ZNF835: variants seen among roughly 807,000 people sequenced by gnomAD.
ZNF835 encodes zinc finger protein 835.
For missense variants in ZNF835, 783 were observed against 758.4 expected, an observed-to-expected ratio of 1.03 and a Z score of -0.38; for synonymous variants, 323 against 324.7, an observed-to-expected ratio of 0.99 and a Z score of 0.06.
At chr19:56,670,649 G>A (rs1367570147) in intron 1 of ZNF835, among the ~76,000 whole-genome samples, 1 of 152,218 alleles carries the variant, frequency 6.6e-6, no homozygotes, top group African/African-American at 2.4e-5. Flanking sequence ...CACCCACAGG[G>A]GATGGCTGGA....
rs2045201944 is a variant in ZNF835, at chr19:56,663,285, C to T, written c.*300G>A. 6.8e-6 allele frequency: 3 copies of T among 443,866 alleles called. No homozygotes were observed. Among genetic ancestry groups the T allele is most frequent in the East Asian group, 4.5e-5 (1 of 22,306 alleles). The allele number at this position is 443,866 out of a possible 1,614,324, so 27.5% of individuals were successfully genotyped here. ...AGTGAGCCGAGATCGCTCCACTGCACTCTAGCCTGGGTGACAGAGAGAGAC... is the reference window on the plus strand; with the variant it reads ...AGTGAGCCGAGATCGCTCCACTGCATTCTAGCCTGGGTGACAGAGAGAGAC... On this transcript the variant is annotated 3_prime_UTR_variant, in exon 2 of 2. Transcript: ENST00000537055.
intron 1 of ZNF835, among the ~76,000 whole-genome samples, chr19:56,671,145 C>T (rs1387796710): frequency 6.6e-6 from 1 of 151,016 alleles, no homozygotes; most frequent in Non-Finnish European, 1.5e-5. Flanking sequence ...GGGCTGGCAC[C>T]GCCAAGTGAG....
rs757812377 is a variant in ZNF835, at chr19:56,664,181, C to T, written c.1018G>A (p.Ala340Thr). Residue 340 changes from alanine (A) to threonine (T), a missense_variant, in exon 2 of 2, where the codon GCC becomes ACC. By Grantham distance (58) the Ala-to-Thr change is moderately conservative. Coordinates refer to ENST00000537055, the MANE Select transcript of ZNF835 (RefSeq NM_001005850.3). ...GEKPYACGQC[A>T]KAFTQVSHLT... Reference sequence around the variant, plus strand: ...TGCGACACCTGGGTGAAGGCCTTGGCGCACTGGCCGCACGCGTAGGGCTTC... The same window carrying T: ...TGCGACACCTGGGTGAAGGCCTTGGTGCACTGGCCGCACGCGTAGGGCTTC... 6 of 1,610,268 alleles carry T rather than the reference C, an allele frequency of 3.7e-6. No individual in the cohort carries two copies. The South Asian group carries it at 6.6e-5, about 18-fold the overall frequency.
intron 1 of ZNF835, among the ~76,000 whole-genome samples, chr19:56,667,543 A>G (rs556944076): frequency 1.2e-4 from 19 of 152,274 alleles, no homozygotes; most frequent in Admixed American, 1.1e-3. Context: ...GCCTCATGTT[A>G]TGTGTGGGCT....
In ZNF835 at chr19:56,664,594, G is replaced by A; in HGVS notation, c.605C>T (p.Ala202Val). The change falls in exon 2 of 2, where the codon GCC becomes GTC. Residue 202 changes from alanine to valine, a missense_variant. Transcript: ENST00000537055. The stretch of plus-strand genomic sequence containing the variant: ...GGTCAGGTGCGTGACGCGCGTGAAG[G>A]CCTTGCCGCAGTCGGCGCAGCGGTG... Reference protein sequence around the residue: ...KPHRCADCGKAFTRVTHLTQH... With the variant: ...KPHRCADCGKVFTRVTHLTQH... The A allele has an allele frequency of 1.2e-6, 2 of 1,605,708 alleles. No individual in the cohort carries two copies. The highest frequency in any genetic ancestry group is 1.7e-6 in the Non-Finnish European group (2 of 1,175,986).
chr19:56,665,468 C>G (rs747804987), intron 1 of ZNF835: 1 of 700,046 alleles, frequency 1.4e-6, no homozygotes, highest in South Asian at 1.4e-5. Context: ...GGGACACTAC[C>G]CCTCAACCCC....
intron 1 of ZNF835, chr19:56,665,604 G>A: frequency 2.4e-6 from 1 of 412,738 alleles, no homozygotes; most frequent in South Asian, 1.9e-5. Flanking sequence ...CAAACTGTCT[G>A]CTGCCTGGGC....
In ZNF835 at chr19:56,664,108, C is replaced by T. The variant is rs747097450; in HGVS notation, c.1091G>A (p.Cys364Tyr). 3.1e-5 allele frequency: 49 copies of T among 1,599,730 alleles called. No homozygotes were observed. The highest frequency in any genetic ancestry group is 1.6e-4 in the East Asian group (7 of 44,608). ...RTHTGERPYP[C>Y]HDCGKRFSNR... is the part of the protein sequence containing the mutation. ...GCTGAAGCGCTTGCCGCAGTCGTGG[C>T]AGGGGTAAGGCCGCTCTCCGGTGTG... The change falls in exon 2 of 2, where the codon TGC becomes TAC. Residue 364 changes from cysteine to tyrosine, a missense_variant. By Grantham distance (194) the Cys-to-Tyr change is radical. Transcript: ENST00000537055.
chr19:56,665,208 C>G lies in ZNF835; in HGVS notation c.-10G>C. The G allele has an allele frequency of 6.2e-7, 1 of 1,613,782 alleles. No homozygotes were observed. The highest frequency in any genetic ancestry group is 8.5e-7 in the Non-Finnish European group (1 of 1,179,878). On this transcript the variant is annotated 5_prime_UTR_variant, in exon 2 of 2. Coordinates refer to ENST00000537055, the MANE Select transcript of ZNF835 (RefSeq NM_001005850.3). ...TCAAGAGTCCCTCCATCCTCGATCC[C>G]TGGGCTGCTGTCTTGATCTCACATC...
At position 56,663,724 on chromosome 19, in the gene ZNF835, T is replaced by C. The variant is rs1414029625; in HGVS notation, c.1475A>G (p.His492Arg). The C allele has an allele frequency of 1.9e-6, 3 of 1,613,868 alleles. No homozygotes were observed. Among genetic ancestry groups the C allele is most frequent in the Admixed American group, 3.3e-5 (2 of 60,010 alleles). ...AFSFSSALIR[H>R]QRTHADSSGR... ...CGAACTGTCTGCATGCGTCCTCTGG[T>C]GTCGGATGAGCGCGGAGGAGAAGCT... is the stretch of plus-strand genomic sequence containing the variant. Residue 492 changes from histidine to arginine, a missense_variant, in exon 2 of 2, where the codon CAC (histidine) becomes CGC (arginine). His to Arg is a conservative substitution (Grantham distance 29). Coordinates refer to ENST00000537055, the MANE Select transcript of ZNF835 (RefSeq NM_001005850.3).
At chr19:56,665,270 A>T (rs181455127) in intron 1 of ZNF835, 25 bp from the exon 2 acceptor site, 2 of 1,589,990 alleles carry the variant, frequency 1.3e-6, no homozygotes, top group African/African-American at 1.4e-5. Context: ...ATAGAAAAAA[A>T]AATTAAATGT....
In ZNF835 at chr19:56,663,671, C is replaced by G; in HGVS notation, c.1528G>C (p.Asp510His). 1 of 1,614,056 alleles carries G rather than the reference C, an allele frequency of 6.2e-7. No individual in the cohort carries two copies. The highest frequency in any genetic ancestry group is 8.5e-7 in the Non-Finnish European group (1 of 1,179,902). Residue 510 changes from aspartate (D) to histidine (H), a missense_variant, in exon 2 of 2, where the codon GAC (aspartate) becomes CAC (histidine). Physicochemically the swap from Asp to His is moderately conservative, Grantham distance 81. Coordinates refer to ENST00000537055, the MANE Select transcript of ZNF835 (RefSeq NM_001005850.3). ...SGRLCPAPTP[D>H]STPGLSQGGE... ...CCCTGTGAGAGCCCAGGTGTTGAGT[C>G]AGGCGTGGGAGCTGGGCAAAGGCGT...
rs201395145 is a variant in ZNF835 at position 56,665,084 on chromosome 19, C to CCT, written c.113_114dup (p.Ala39ArgfsTer116). 5,031 of 1,614,020 alleles carry CCT rather than the reference C, an allele frequency of 3.1e-3. 126 individuals carry two copies. The highest frequency in any genetic ancestry group is 1.1e-3 in the Non-Finnish European group (1,285 of 1,179,890). On this transcript the variant is annotated frameshift_variant, in exon 2 of 2. Transcript: ENST00000537055. LOFTEE classifies it low-confidence loss of function (END_TRUNC). ...GCAGGGTCTCCCTTGCAGGCCACGG[C>CCT]CTCTGGCTCTGGACAGCTTTCCTGG... is the stretch of plus-strand genomic sequence containing the variant.
At chr19:56,667,906 G>A (rs967262944) in intron 1 of ZNF835, among the ~76,000 whole-genome samples, 89 of 152,156 alleles carry the variant, frequency 5.8e-4, no homozygotes, top group Admixed American at 5.7e-3. Context: ...CAAACCTGCC[G>A]GCACCTTGAC....
At chr19:56,665,328 G>T in intron 1 of ZNF835, 83 bp from the exon 2 acceptor site, 1 of 1,283,218 alleles carries the variant, frequency 7.8e-7, no homozygotes, top group Non-Finnish European at 1.1e-6. Context: ...GAACTGGTAA[G>T]AACTTAGCAT....
chr19:56,670,576 G>T (rs2045280483), intron 1 of ZNF835, among the ~76,000 whole-genome samples: 1 of 152,152 alleles, frequency 6.6e-6, no homozygotes, highest in Admixed American at 6.5e-5. Flanking sequence ...GTGAAGAGGT[G>T]CACAGAGACG....
Position 56,663,443 on chromosome 19 carries a change from CTT to C in ZNF835, c.*140_*141del, listed in dbSNP as rs2045203341. The C allele has an allele frequency of 1.7e-6, 2 of 1,205,762 alleles. No homozygotes were observed. Among genetic ancestry groups the C allele is most frequent in the South Asian group, 1.4e-5 (1 of 69,542 alleles). The allele number at this position is 1,205,762 out of a possible 1,614,324, so 74.7% of individuals were successfully genotyped here. On this transcript the variant is annotated 3_prime_UTR_variant, in exon 2 of 2. Coordinates refer to ENST00000537055, the MANE Select transcript of ZNF835 (RefSeq NM_001005850.3). ...GAGTCTGGCAGATGTGAGGTACAGT[CTT>C]AGCCCTGTGTCTTCCCCACTGTGTG... is the stretch of plus-strand genomic sequence containing the variant.
Position 56,663,668 on chromosome 19 carries a change from A to C in ZNF835, c.1531T>G (p.Ser511Ala). ...GRLCPAPTPDSTPGLSQGGET... is the reference protein window; with the variant it reads ...GRLCPAPTPDATPGLSQGGET... ...CCTCCCTGTGAGAGCCCAGGTGTTG[A>C]GTCAGGCGTGGGAGCTGGGCAAAGG... The change falls in exon 2 of 2, where the codon TCA becomes GCA. Residue 511 changes from serine to alanine, a missense_variant. Physicochemically the swap from Ser to Ala is moderately conservative, Grantham distance 99 (BLOSUM62 1). Coordinates refer to ENST00000537055, the MANE Select transcript of ZNF835 (RefSeq NM_001005850.3). The C allele has an allele frequency of 6.2e-7, 1 of 1,614,030 alleles. No homozygotes were observed. Among genetic ancestry groups the C allele is most frequent in the Non-Finnish European group, 8.5e-7 (1 of 1,179,900 alleles).
chr19:56,663,858 G>A lies in ZNF835; in HGVS notation c.1341C>T (p.Thr447=), dbSNP rs2045210012. ...QRTHTGERPY[T]CPECGKAFSN... ...TGAAGGCCTTGCCGCACTCGGGGCA[G>A]GTGTAGGGCCGCTCGCCCGTGTGCG... is the stretch of plus-strand genomic sequence containing the variant. The change falls in exon 2 of 2, where the codon ACC becomes ACT. Residue 447 remains threonine (T), a synonymous_variant. Coordinates refer to ENST00000537055, the MANE Select transcript of ZNF835 (RefSeq NM_001005850.3). 6.2e-7 allele frequency: 1 copy of A among 1,613,302 alleles called. No individual in the cohort carries two copies. The highest frequency in any genetic ancestry group is 8.5e-7 in the Non-Finnish European group (1 of 1,179,836).
Sources: gnomAD v4.1 joint callset for allele counts (sites outside exome capture counted in the v4.1 genomes callset) on GRCh38, gnomAD v4.1.1 for gene constraint, MANE v1.5 for transcripts, NCBI Gene and HGNC (gene_info 2026-07-23, HGNC 2026-07-21) for gene names.